Variants in NAALADL2 observed in about 807,000 individuals in gnomAD.
The protein encoded by NAALADL2 is N-acetylated alpha-linked acidic dipeptidase like 2.
In NAALADL2, 76 loss-of-function variants were observed where a neutral mutation model predicts 87.2. That is an observed-to-expected ratio of 0.87 (90% CI 0.72 to 1.05). NAALADL2 has a LOEUF of 1.05. NAALADL2 is among the 50% of genes least tolerant of loss of function. NAALADL2 has a pLI of 0.00. For missense variants in NAALADL2, 1,089 were observed against 945.8 expected, an observed-to-expected ratio of 1.15 and a Z score of -1.99; for synonymous variants, 354 against 331.0, an observed-to-expected ratio of 1.07 and a Z score of -0.75.
At chr3:174,933,170 C>G (rs1183300565) in intron 1 of NAALADL2, among the ~76,000 whole-genome samples, 3 of 152,168 alleles carry the variant, frequency 2.0e-5, no homozygotes, top group Non-Finnish European at 4.4e-5. Flanking sequence ...TCTGCTGAAC[C>G]TTGCTGCCTT....
intron 1 of NAALADL2, among the ~76,000 whole-genome samples, chr3:174,958,878 A>G (rs1560413167): frequency 6.6e-6 from 1 of 152,072 alleles, no homozygotes; most frequent in African/African-American, 2.4e-5. Context: ...GATTGCTTAT[A>G]TTAGGTTTGT....
intron 10 of NAALADL2, among the ~76,000 whole-genome samples, chr3:175,588,263 T>C (rs936547071): frequency 6.6e-6 from 1 of 151,990 alleles, no homozygotes; most frequent in Non-Finnish European, 1.5e-5. Context: ...TATTATAGAG[T>C]CATTGGCAAT....
intron 2 of NAALADL2, among the ~76,000 whole-genome samples, chr3:174,710,464 G>C (rs1730517371): frequency 6.6e-6 from 1 of 152,164 alleles, no homozygotes; most frequent in East Asian, 1.9e-4. Context: ...ATGTTGGCCA[G>C]GCTGGCCTTG....
chr3:174,674,445 A>T (rs1225512323), intron 2 of NAALADL2, among the ~76,000 whole-genome samples: 1 of 151,954 alleles, frequency 6.6e-6, no homozygotes, highest in Non-Finnish European at 1.5e-5. Context: ...AAACCTACAA[A>T]TACTGTGAAA....
intron 2 of NAALADL2, among the ~76,000 whole-genome samples, chr3:175,140,249 T>C (rs1221794164): frequency 3.1e-4 from 47 of 152,146 alleles, no homozygotes; most frequent in Admixed American, 3.1e-3. Context: ...ACCTCAGTAA[T>C]AGGTGTAAGT....
intron 1 of NAALADL2, among the ~76,000 whole-genome samples, chr3:174,963,995 T>C (rs560035254): frequency 6.6e-6 from 1 of 151,734 alleles, no homozygotes; most frequent in South Asian, 2.1e-4. Flanking sequence ...CATAATAATT[T>C]ATTTCTCCAT....
At chr3:175,219,283 G>T (rs1214671246) in intron 2 of NAALADL2, among the ~76,000 whole-genome samples, 1 of 151,828 alleles carries the variant, frequency 6.6e-6, no homozygotes, top group Non-Finnish European at 1.5e-5. Context: ...TTAGCTTCTT[G>T]GTAACTAAAT....
intron 2 of NAALADL2, among the ~76,000 whole-genome samples, chr3:175,146,591 CAG>C (rs1730779651): frequency 6.6e-6 from 1 of 152,094 alleles, no homozygotes; most frequent in South Asian, 2.1e-4. Flanking sequence ...ATATTACTAA[CAG>C]TGTGCTGGAC....
At chr3:175,521,690 A>G (rs1732682943) in intron 9 of NAALADL2, among the ~76,000 whole-genome samples, 1 of 152,172 alleles carries the variant, frequency 6.6e-6, no homozygotes, top group Non-Finnish European at 1.5e-5. Context: ...CCACGTGAAG[A>G]CAGGGGCAGA....
intron 2 of NAALADL2, among the ~76,000 whole-genome samples, chr3:174,606,419 T>G (rs1027560810): frequency 1.3e-5 from 2 of 152,090 alleles, no homozygotes; most frequent in African/African-American, 4.8e-5. Flanking sequence ...TTAAAAACTT[T>G]GAAAAAAATT....
chr3:174,442,907 C>T (rs1294049056), intron 1 of NAALADL2, among the ~76,000 whole-genome samples: 1 of 152,070 alleles, frequency 6.6e-6, no homozygotes, highest in African/African-American at 2.4e-5. Context: ...ATATTTGGGG[C>T]AAGAGTTTCC....
intron 2 of NAALADL2, among the ~76,000 whole-genome samples, chr3:175,185,996 A>G (rs1737276588): frequency 6.6e-6 from 1 of 151,992 alleles, no homozygotes; most frequent in African/African-American, 2.4e-5. Context: ...CAAATTTTGG[A>G]AAAGTCATCC....
At chr3:175,099,633 G>T (rs1721774250) in intron 2 of NAALADL2, among the ~76,000 whole-genome samples, 1 of 152,098 alleles carries the variant, frequency 6.6e-6, no homozygotes, top group Non-Finnish European at 1.5e-5. Flanking sequence ...TACTTTCCAT[G>T]AATTTATTAA....
At chr3:175,418,815 T>G (rs1257289476) in intron 5 of NAALADL2, among the ~76,000 whole-genome samples, 3 of 152,040 alleles carry the variant, frequency 2.0e-5, no homozygotes, top group African/African-American at 4.8e-5. Context: ...AAAGAAGAGA[T>G]TCTACAATAG....
At chr3:175,025,800 T>A (rs913309781) in intron 1 of NAALADL2, among the ~76,000 whole-genome samples, 5 of 152,118 alleles carry the variant, frequency 3.3e-5, no homozygotes, top group Non-Finnish European at 7.4e-5. Flanking sequence ...TATTTGTTTT[T>A]CAGTTTTGTT....
At chr3:174,442,643 A>T (rs1209269978) in intron 1 of NAALADL2, among the ~76,000 whole-genome samples, 2 of 152,198 alleles carry the variant, frequency 1.3e-5, no homozygotes, top group African/African-American at 4.8e-5. Context: ...ACTGCGTGCC[A>T]AGCAGTGTTC....
chr3:174,447,799 A>G (rs1715166279), intron 1 of NAALADL2, among the ~76,000 whole-genome samples: 1 of 152,154 alleles, frequency 6.6e-6, no homozygotes, highest in Non-Finnish European at 1.5e-5. Context: ...GGGGCAACAG[A>G]GCGAGACTCT....
intron 2 of NAALADL2, among the ~76,000 whole-genome samples, chr3:174,593,503 T>G (rs1193522483): frequency 3.3e-5 from 5 of 152,132 alleles, no homozygotes; most frequent in African/African-American, 1.2e-4. Flanking sequence ...GAATTCAAAG[T>G]CAGTATGGTT....
At chr3:174,727,484 T>A (rs898319097) in intron 2 of NAALADL2, among the ~76,000 whole-genome samples, 1 of 152,070 alleles carries the variant, frequency 6.6e-6, no homozygotes, top group Non-Finnish European at 1.5e-5. Context: ...AAAGCTCAAA[T>A]CCAGCCTGGT....
Sources: gnomAD v4.1 joint callset for allele counts (sites outside exome capture counted in the v4.1 genomes callset) on GRCh38, gnomAD v4.1.1 for gene constraint, MANE v1.5 for transcripts, NCBI Gene and HGNC (gene_info 2026-07-23, HGNC 2026-07-21) for gene names.